The following KHDRBS2 variants were observed in gnomAD, a reference collection of about 807,000 sequenced individuals.
The protein encoded by KHDRBS2 is KH domain-containing, RNA-binding, signal transduction-associated protein 2.
A neutral mutation model predicts 44.3 loss-of-function variants in KHDRBS2; 26 were observed. The observed-to-expected ratio is 0.59, with a 90% confidence interval of 0.43 to 0.81. The LOEUF is 0.81. Among genes scored for constraint, KHDRBS2 ranks in the 40% least tolerant of loss-of-function variants. KHDRBS2 has a pLI of 0.00. For synonymous variants in KHDRBS2, 194 were observed against 151.1 expected (o/e 1.28, Z -2.08); for missense variants, 476 against 433.1 (o/e 1.10, Z -0.88).
intron 1 of KHDRBS2, among the ~76,000 whole-genome samples, chr6:62,274,069 G>C (rs902799215): frequency 2.0e-5 from 3 of 152,130 alleles, no homozygotes. Context: ...CTGAGTAGCA[G>C]GGACTACAGG....
At chr6:62,003,471 C>G (rs1470393244) in intron 3 of KHDRBS2, among the ~76,000 whole-genome samples, 1 of 151,990 alleles carries the variant, frequency 6.6e-6, no homozygotes, top group Admixed American at 6.6e-5. Flanking sequence ...AGTTAACTAT[C>G]CTAAATATGT....
At chr6:61,668,971 A>G in the KHDRBS2 span, among the ~76,000 whole-genome samples, 1 of 150,880 alleles carries the variant, frequency 6.6e-6, no homozygotes, top group African/African-American at 2.4e-5. Flanking sequence ...TAGAGGGACA[A>G]TTTCCCATTT....
At chr6:61,676,889 T>C (rs985826042), downstream of KHDRBS2, among the ~76,000 whole-genome samples, 6 of 151,900 alleles carry the variant, frequency 3.9e-5, no homozygotes, top group Admixed American at 3.9e-4. Flanking sequence ...ACAACCTTTA[T>C]CTTGCAGACA....
intron 3 of KHDRBS2, among the ~76,000 whole-genome samples, chr6:61,990,777 T>A (rs944355680): frequency 6.6e-6 from 1 of 151,852 alleles, no homozygotes; most frequent in Non-Finnish European, 1.5e-5. Flanking sequence ...TGGTGCGATC[T>A]CGGCTCACTG....
downstream of KHDRBS2, among the ~76,000 whole-genome samples, chr6:61,677,933 C>A (rs916338118): frequency 6.6e-6 from 1 of 151,874 alleles, no homozygotes; most frequent in Admixed American, 6.6e-5. Flanking sequence ...GTCACTGCCC[C>A]CTTTTCCCCC....
At chr6:61,777,389 G>C (rs960425951) in intron 6 of KHDRBS2, among the ~76,000 whole-genome samples, 7 of 152,124 alleles carry the variant, frequency 4.6e-5, no homozygotes, top group Non-Finnish European at 1.0e-4. Flanking sequence ...AAACAGTGCA[G>C]TTTGCCATGC....
the KHDRBS2 span, among the ~76,000 whole-genome samples, chr6:61,663,088 A>G: frequency 6.6e-6 from 1 of 151,456 alleles, no homozygotes; most frequent in Admixed American, 6.6e-5. Flanking sequence ...TGATGAGTTC[A>G]TGTCCTTTGT....
intron 2 of KHDRBS2, among the ~76,000 whole-genome samples, chr6:62,078,679 G>T (rs1294943649): frequency 6.6e-6 from 1 of 151,944 alleles, no homozygotes; most frequent in Admixed American, 6.6e-5. Context: ...TCATGAAAGT[G>T]TGCATGAAAT....
At chr6:61,844,168 C>G (rs1271776466) in intron 6 of KHDRBS2, among the ~76,000 whole-genome samples, 1 of 152,112 alleles carries the variant, frequency 6.6e-6, no homozygotes, top group Non-Finnish European at 1.5e-5. Context: ...TTAAAGGCCT[C>G]AAATTACCAT....
intron 6 of KHDRBS2, among the ~76,000 whole-genome samples, chr6:61,850,867 AAAT>A (rs1447449807): frequency 6.6e-6 from 1 of 152,158 alleles, no homozygotes; most frequent in African/African-American, 2.4e-5. Flanking sequence ...TCATTCTCCC[AAAT>A]AATTGCTGTC....
chr6:61,875,231 A>G (rs572706176), intron 6 of KHDRBS2, among the ~76,000 whole-genome samples: 2 of 152,024 alleles, frequency 1.3e-5, no homozygotes, highest in East Asian at 3.9e-4. Flanking sequence ...TGAAAAGCAG[A>G]AAGAATTCCA....
intron 6 of KHDRBS2, among the ~76,000 whole-genome samples, chr6:61,804,512 G>GC (rs977741739): frequency 6.6e-6 from 1 of 152,122 alleles, no homozygotes; most frequent in Non-Finnish European, 1.5e-5. Context: ...ACCAGTGGGG[G>GC]CCCCAACCCC....
At chr6:61,858,318 T>A (rs1796435771) in intron 6 of KHDRBS2, among the ~76,000 whole-genome samples, 1 of 151,896 alleles carries the variant, frequency 6.6e-6, no homozygotes, top group African/African-American at 2.4e-5. Flanking sequence ...AATTTACTCT[T>A]GAAGAGATAT....
At chr6:61,973,206 C>T (rs1004302067) in intron 4 of KHDRBS2, among the ~76,000 whole-genome samples, 3 of 152,130 alleles carry the variant, frequency 2.0e-5, no homozygotes, top group East Asian at 1.9e-4. Context: ...TTCAGGGACA[C>T]ATTTTTATAT....
At chr6:61,544,761 T>A in the KHDRBS2 span, among the ~76,000 whole-genome samples, 1 of 152,234 alleles carries the variant, frequency 6.6e-6, no homozygotes, top group Non-Finnish European at 1.5e-5. Flanking sequence ...TAAAAAATGA[T>A]GAGTTTGTGT....
chr6:61,955,027 T>C (rs1271375671), intron 4 of KHDRBS2, among the ~76,000 whole-genome samples: 10 of 144,232 alleles, frequency 6.9e-5, no homozygotes, highest in South Asian at 2.2e-4. Context: ...CACACATACA[T>C]ATATACATAC....
At chr6:62,203,446 A>C (rs1827379140) in intron 1 of KHDRBS2, among the ~76,000 whole-genome samples, 1 of 152,084 alleles carries the variant, frequency 6.6e-6, no homozygotes, top group Non-Finnish European at 1.5e-5. Flanking sequence ...AGAAAAGAGG[A>C]ATATATAATA....
At chr6:61,921,693 A>G (rs144616977) in intron 4 of KHDRBS2, among the ~76,000 whole-genome samples, 560 of 152,082 alleles carry the variant, frequency 3.7e-3, no homozygotes, top group Middle Eastern at 0.02. Context: ...TTAGTTTTCC[A>G]CAGCATACCT....
chr6:62,240,708 A>G (rs1354923011), intron 1 of KHDRBS2, among the ~76,000 whole-genome samples: 11 of 137,850 alleles, frequency 8.0e-5, no homozygotes, highest in Admixed American at 6.6e-4. Flanking sequence ...ATATATATAT[A>G]TATATATATA....
Sources: gnomAD v4.1 joint callset for allele counts (sites outside exome capture counted in the v4.1 genomes callset) on GRCh38, gnomAD v4.1.1 for gene constraint, MANE v1.5 for transcripts, NCBI Gene and HGNC (gene_info 2026-07-23, HGNC 2026-07-21) for gene names.